The following RYR3 variants were observed in gnomAD, a reference collection of about 807,000 sequenced individuals.
RYR3 encodes the protein brain ryanodine receptor-calcium release channel.
Under a neutral mutation model 584.3 loss-of-function variants are expected in RYR3, and 207 were observed. The ratio of observed to expected loss-of-function variants is 0.35; its 90% CI spans 0.32 to 0.40. The LOEUF (loss-of-function observed/expected upper bound fraction) is 0.40. RYR3 is among the 10% of genes least tolerant of loss of function. RYR3 has a pLI of 1.00. For missense variants in RYR3, 5,616 were observed against 6,089.2 expected, an observed-to-expected ratio of 0.92 and a Z score of 2.59; for synonymous variants, 2,416 against 2,248.5, an observed-to-expected ratio of 1.07 and a Z score of -2.11.
chr15:33,562,819 T>C lies in RYR3; in HGVS notation c.973-18T>C. ...AATCAGCTATGCCTATGTTTGTTTC[T>C]TTTTGTGTATGAATTAGGAACTCAA... On this transcript the variant is annotated intron_variant, in intron 10 of 103. Coordinates refer to ENST00000634891, the MANE Select transcript of RYR3 (RefSeq NM_001036.6). 1 of 1,598,300 alleles carries C rather than the reference T, an allele frequency of 6.3e-7. No homozygotes were observed. Among genetic ancestry groups the C allele is most frequent in the Non-Finnish European group, 8.6e-7 (1 of 1,166,762 alleles).
chr15:33,324,921 C>T (rs534535757), intron 1 of RYR3, among the ~76,000 whole-genome samples: 1 of 152,270 alleles, frequency 6.6e-6, no homozygotes, highest in East Asian at 1.9e-4. Context: ...AGGATGCCAG[C>T]TTGTGAAGAC....
At chr15:33,382,820 C>T (rs939193405) in intron 1 of RYR3, among the ~76,000 whole-genome samples, 5 of 152,158 alleles carry the variant, frequency 3.3e-5, no homozygotes, top group South Asian at 4.1e-4. Context: ...GCCCTGGGGG[C>T]ATGGGGTGAG....
chr15:33,355,116 G>A (rs569041162), intron 1 of RYR3, among the ~76,000 whole-genome samples: 160 of 151,364 alleles, frequency 1.1e-3, no homozygotes, highest in South Asian at 3.3e-3. Context: ...CCTGGGGGGC[G>A]GAGGTTGCAG....
At chr15:33,733,997 T>A (rs1596352162) in intron 48 of RYR3, among the ~76,000 whole-genome samples, 1 of 152,350 alleles carries the variant, frequency 6.6e-6, no homozygotes, top group East Asian at 1.9e-4. Context: ...TTAAAATGCT[T>A]TTTAAAATTA....
chr15:33,336,472 GAGA>G (rs1971045552), intron 1 of RYR3, among the ~76,000 whole-genome samples: 1 of 20,036 alleles, frequency 5.0e-5, no homozygotes, highest in African/African-American at 6.8e-4. Flanking sequence ...GAGAGAGAGA[GAGA>G]GAGAGAGAGA....
At chr15:33,314,929 CA>C (rs201699049) in intron 1 of RYR3, among the ~76,000 whole-genome samples, 7 of 97,604 alleles carry the variant, frequency 7.2e-5, no homozygotes, top group South Asian at 3.6e-4. Context: ...AAACAAACAA[CA>C]AAAAAAAAAA....
chr15:33,691,401 C>T (rs375443079), intron 38 of RYR3, among the ~76,000 whole-genome samples: 4 of 152,174 alleles, frequency 2.6e-5, no homozygotes, highest in East Asian at 1.9e-4. Flanking sequence ...GGGAAGCTGT[C>T]GAGCTCCCAG....
intron 16 of RYR3, among the ~76,000 whole-genome samples, chr15:33,588,344 T>G (rs1032185804): frequency 2.0e-5 from 3 of 152,206 alleles, no homozygotes; most frequent in Non-Finnish European, 2.9e-5. Context: ...GTGAACATGT[T>G]CTTTAGAATC....
At position 33,464,477 on chromosome 15, in the gene RYR3, TATATATATATATACACATATATATATAC is replaced by T. The variant is rs1442713257; in HGVS notation, c.52-8938_52-8911del. On this transcript the variant is annotated intron_variant, in intron 1 of 103. Coordinates refer to ENST00000634891, the MANE Select transcript of RYR3 (RefSeq NM_001036.6). Reference sequence around the variant, plus strand: ...AGGGAGGTGGAGATATATATATATATATATATATATATACACATATATATATACATACACATACACATATATGTACATT... The same window carrying T: ...AGGGAGGTGGAGATATATATATATATATACACATACACATATATGTACATT... Among the ~76,000 whole-genome samples the T allele has an allele frequency of 1.6e-4, 14 of 87,892 alleles. 1 individual carries two copies. The highest frequency in any genetic ancestry group is 8.9e-4 in the South Asian group (3 of 3,378). 57.7% of individuals were successfully genotyped at this position (87,892 alleles called of 152,430 possible).
At chr15:33,488,617 A>T (rs371299078) in intron 2 of RYR3, among the ~76,000 whole-genome samples, 3 of 152,084 alleles carry the variant, frequency 2.0e-5, no homozygotes, top group African/African-American at 7.2e-5. Context: ...ACTTGGGAGG[A>T]CAAGGCGGGC....
chr15:33,581,927 C>G (rs1348153342), intron 14 of RYR3, among the ~76,000 whole-genome samples: 1 of 152,186 alleles, frequency 6.6e-6, no homozygotes, highest in Admixed American at 6.5e-5. Context: ...CATGAGGAAA[C>G]GAGACTAGAA....
intron 70 of RYR3, among the ~76,000 whole-genome samples, chr15:33,809,612 CTTTT>C (rs34554811): frequency 1.5e-4 from 20 of 132,296 alleles, no homozygotes; most frequent in Non-Finnish European, 2.1e-4. Flanking sequence ...TCCTCTCTCT[CTTTT>C]TTTTTTTTTT....
intron 1 of RYR3, among the ~76,000 whole-genome samples, chr15:33,472,511 C>G (rs1225584694): frequency 6.6e-6 from 1 of 152,170 alleles, no homozygotes; most frequent in Admixed American, 6.5e-5. Context: ...CAGGTCACTT[C>G]CGTAACTTAA....
intron 2 of RYR3, among the ~76,000 whole-genome samples, chr15:33,474,497 G>A (rs1045504736): frequency 6.6e-6 from 1 of 152,136 alleles, no homozygotes; most frequent in Non-Finnish European, 1.5e-5. Flanking sequence ...ATCGGATGAG[G>A]CATACCAAAG....
Position 33,837,715 on chromosome 15 carries a change from T to G in RYR3, c.11735T>G (p.Phe3912Cys), listed in dbSNP as rs1477391763. 2 of 1,611,852 alleles carry G rather than the reference T, an allele frequency of 1.2e-6. No homozygotes were observed. The highest frequency in any genetic ancestry group is 2.7e-5 in the African/African-American group (2 of 74,918). ...SSTNVEMILK[F>C]FDMFLKLKDL... ...ACCAATGTAGAAATGATCTTGAAAT[T>G]CTTTGACATGTTCTTGAAACTTAAA... The change falls in exon 89 of 104, where the codon TTC (phenylalanine) becomes TGC (cysteine). Residue 3912 changes from phenylalanine to cysteine, a missense_variant. By Grantham distance (205) the Phe-to-Cys change is radical. Coordinates refer to ENST00000634891, the MANE Select transcript of RYR3 (RefSeq NM_001036.6).
intron 1 of RYR3, among the ~76,000 whole-genome samples, chr15:33,387,136 C>T (rs965381978): frequency 1.3e-4 from 20 of 152,150 alleles, no homozygotes; most frequent in African/African-American, 2.7e-4. Context: ...GGATTACAGT[C>T]GTGAGACACC....
intron 2 of RYR3, among the ~76,000 whole-genome samples, chr15:33,490,547 G>T (rs2050877825): frequency 6.6e-6 from 1 of 152,092 alleles, no homozygotes; most frequent in Non-Finnish European, 1.5e-5. Context: ...TCCAAGAGTA[G>T]TCACTTCAGA....
chr15:33,854,346 C>T, intron 96 of RYR3, 43 bp from the exon 97 acceptor site: 1 of 1,511,152 alleles, frequency 6.6e-7, no homozygotes, highest in African/African-American at 1.4e-5. Context: ...ACTTAACTAC[C>T]TCTTGACATT....
At chr15:33,800,671 G>C (rs925127055) in intron 67 of RYR3, 99 bp from the exon 68 acceptor site, 2 of 809,438 alleles carry the variant, frequency 2.5e-6, no homozygotes, top group South Asian at 1.5e-5. Flanking sequence ...AGTTTGATCT[G>C]GATAAATGTA....
Sources: gnomAD v4.1 joint callset for allele counts (sites outside exome capture counted in the v4.1 genomes callset) on GRCh38, gnomAD v4.1.1 for gene constraint, MANE v1.5 for transcripts, NCBI Gene and HGNC (gene_info 2026-07-23, HGNC 2026-07-21) for gene names.